The following STRN variants were observed in gnomAD, a reference collection of about 807,000 sequenced individuals.
STRN encodes striatin, also known as protein phosphatase 2 regulatory subunit B'''alpha.
STRN carries 53 observed loss-of-function variants against 96.3 expected under a neutral mutation model. That is an observed-to-expected ratio of 0.55 (90% CI 0.44 to 0.69). STRN has a LOEUF of 0.69. Among genes scored for constraint, STRN ranks in the 30% least tolerant of loss-of-function variants. The pLI, the probability that STRN is intolerant of heterozygous loss-of-function variation, is 0.00. For synonymous variants in STRN, 428 were observed against 355.9 expected, an observed-to-expected ratio of 1.20 and a Z score of -2.28; for missense variants, 987 against 963.9, an observed-to-expected ratio of 1.02 and a Z score of -0.32.
intron 1 of STRN, among the ~76,000 whole-genome samples, chr2:36,963,955 CA>C (rs1393459355): frequency 2.0e-5 from 3 of 151,482 alleles, no homozygotes; most frequent in Non-Finnish European, 4.4e-5. Flanking sequence ...CACCACTGCA[CA>C]CCGGCCTGGG....
In STRN at chr2:36,842,695, T is replaced by C. The variant is rs117245009; in HGVS notation, c.*6761A>G. Among the ~76,000 whole-genome samples the C allele has an allele frequency of 8.7e-4, 133 of 152,160 alleles. 1 individual carries two copies. The East Asian group carries it at 0.024, about 28-fold the overall frequency. ...GTTAGGTTTTGTAGGGTTTGAGTGATACTTAGAAGCGAGTCATTTTATGTT... is the reference window on the plus strand; with the variant it reads ...GTTAGGTTTTGTAGGGTTTGAGTGACACTTAGAAGCGAGTCATTTTATGTT... On this transcript the variant is annotated 3_prime_UTR_variant, in exon 18 of 18. Coordinates refer to ENST00000263918, the MANE Select transcript of STRN (RefSeq NM_003162.4).
rs1287808219 is a variant in STRN, at chr2:36,966,244, G to T, written c.220C>A (p.Arg74=). 6.0e-5 allele frequency: 95 copies of T among 1,573,372 alleles called. No homozygotes were observed. The highest frequency in any genetic ancestry group is 8.0e-5 in the Non-Finnish European group (93 of 1,162,118). Residue 74 remains arginine (R), a synonymous_variant, in exon 1 of 18, where the codon CGG becomes AGG. Coordinates refer to ENST00000263918, the MANE Select transcript of STRN (RefSeq NM_003162.4). The part of the protein sequence containing the change: ...EVERAQWEVE[R]AELQAQIAFL... ...AGGGTCTTTACCTGCAGCTCCGCCC[G>T]CTCCACCTCCCACTGGGCTCTCTCC... is the stretch of plus-strand genomic sequence containing the variant.
intron 2 of STRN, among the ~76,000 whole-genome samples, chr2:36,921,383 C>T (rs1670251058): frequency 6.6e-6 from 1 of 152,128 alleles, no homozygotes; most frequent in Non-Finnish European, 1.5e-5. Flanking sequence ...TCAAATATTT[C>T]TACTTCCTGT....
At chr2:36,871,138 A>C (rs1668753330) in intron 10 of STRN, among the ~76,000 whole-genome samples, 1 of 152,202 alleles carries the variant, frequency 6.6e-6, no homozygotes, top group African/African-American at 2.4e-5. Flanking sequence ...ATAGTAAGCA[A>C]AGTCTAATTT....
At chr2:36,903,075 A>C (rs1669732231) in intron 4 of STRN, 1 of 167,608 alleles carries the variant, frequency 6.0e-6, no homozygotes. Flanking sequence ...CTACCAAATC[A>C]GTATTTTATA....
In STRN at chr2:36,870,473, T is replaced by C. The variant is rs568480170; in HGVS notation, c.1324-744A>G. 5.9e-5 allele frequency among the ~76,000 whole-genome samples: 9 copies of C among 152,246 alleles called. No homozygotes were observed. The South Asian group carries it at 1.9e-3, about 32-fold the overall frequency. ...AAAGTACAATCATGTGCCACATAAA[T>C]ACATTTTGGTCAACGATGGACCACA... On this transcript the variant is annotated intron_variant, in intron 10 of 17. Transcript: ENST00000263918.
chr2:36,915,473 C>G (rs1028846926), intron 3 of STRN, among the ~76,000 whole-genome samples: 1 of 151,196 alleles, frequency 6.6e-6, no homozygotes, highest in Non-Finnish European at 1.5e-5. Flanking sequence ...TTCTTAATAT[C>G]TGATTTACAA....
intron 1 of STRN, among the ~76,000 whole-genome samples, chr2:36,953,899 T>C (rs1050252748): frequency 1.3e-5 from 2 of 152,168 alleles, no homozygotes; most frequent in African/African-American, 4.8e-5. Flanking sequence ...TGGAGGCTGA[T>C]GCAGGAGGAT....
At chr2:36,946,562 C>T (rs1259210530) in intron 1 of STRN, among the ~76,000 whole-genome samples, 1 of 151,998 alleles carries the variant, frequency 6.6e-6, no homozygotes, top group Non-Finnish European at 1.5e-5. Context: ...AAAAATCCCA[C>T]GTGTGTGTGT....
At chr2:36,950,217 T>TG (rs902257051) in intron 1 of STRN, among the ~76,000 whole-genome samples, 13 of 144,494 alleles carry the variant, frequency 9.0e-5, no homozygotes, top group South Asian at 2.3e-4. Context: ...GGTTTTGTTT[T>TG]TTTTTTTTTT....
At chr2:36,877,367 A>G (rs1269057576) in intron 10 of STRN, among the ~76,000 whole-genome samples, 2 of 152,218 alleles carry the variant, frequency 1.3e-5, no homozygotes, top group Admixed American at 6.5e-5. Flanking sequence ...TAAACAAATC[A>G]TACTCAATTA....
At chr2:36,855,112 G>A (rs755042044) in intron 15 of STRN, 100 bp downstream of exon 15, 1 of 1,246,988 alleles carries the variant, frequency 8.0e-7, no homozygotes, top group Non-Finnish European at 1.1e-6. Flanking sequence ...GAGACAGAAA[G>A]CTTTATAATG....
intron 2 of STRN, among the ~76,000 whole-genome samples, chr2:36,918,141 T>C (rs1224613328): frequency 1.3e-5 from 2 of 152,172 alleles, no homozygotes; most frequent in East Asian, 1.9e-4. Context: ...ATTTTCAATG[T>C]GTCTCTTAAC....
chr2:36,892,926 A>G (rs1370638610), intron 7 of STRN, among the ~76,000 whole-genome samples: 1 of 152,124 alleles, frequency 6.6e-6, no homozygotes, highest in Non-Finnish European at 1.5e-5. Flanking sequence ...AGGCTGAGGC[A>G]TGAGAATTGC....
chr2:36,893,537 T>C (rs1268246162), intron 7 of STRN, among the ~76,000 whole-genome samples: 1 of 152,218 alleles, frequency 6.6e-6, no homozygotes, highest in African/African-American at 2.4e-5. Flanking sequence ...TCTTTTCGCA[T>C]GTAAGATGTC....
At chr2:36,921,804 C>T (rs2148226383) in intron 2 of STRN, among the ~76,000 whole-genome samples, 1 of 152,294 alleles carries the variant, frequency 6.6e-6, no homozygotes, top group East Asian at 1.9e-4. Flanking sequence ...TCCACCCCCA[C>T]ACTGAGGTCA....
In STRN at chr2:36,966,496, C is replaced by T; in HGVS notation, c.-33G>A. On this transcript the variant is annotated 5_prime_UTR_variant, in exon 1 of 18. Coordinates refer to ENST00000263918, the MANE Select transcript of STRN (RefSeq NM_003162.4). The stretch of plus-strand genomic sequence containing the variant: ...GCAGATACCCGGGGAGCTGCCCCGG[C>T]GCCCAGCAGCGGAGGCAACAGCGGC... The T allele has an allele frequency of 7.2e-7, 1 of 1,390,612 alleles. No individual in the cohort carries two copies. The highest frequency in any genetic ancestry group is 9.3e-7 in the Non-Finnish European group (1 of 1,076,462). 86.1% of individuals were successfully genotyped at this position (1,390,612 alleles called of 1,614,324 possible).
chr2:36,966,013 A>C (rs571093230), intron 1 of STRN, among the ~76,000 whole-genome samples: 58 of 152,076 alleles, frequency 3.8e-4, no homozygotes, highest in African/African-American at 7.0e-4. Context: ...TGGGGAGGGT[A>C]AACAACGCAC....
chr2:36,950,224 T>G (rs1445210037), intron 1 of STRN, among the ~76,000 whole-genome samples: 1 of 147,282 alleles, frequency 6.8e-6, no homozygotes, highest in South Asian at 2.2e-4. Flanking sequence ...TTTTTTTTTT[T>G]TTTTTTTTTG....
Sources: allele counts gnomAD v4.1 joint callset (sites outside exome capture counted in the v4.1 genomes callset), GRCh38; gene constraint gnomAD v4.1.1; transcripts MANE v1.5; gene names NCBI Gene and HGNC (gene_info 2026-07-23, HGNC 2026-07-21).